The following GSK3B variants were observed in gnomAD, a reference collection of about 807,000 sequenced individuals.
GSK3B encodes the protein glycogen synthase kinase-3 beta.
In GSK3B, 15 loss-of-function variants were observed where a neutral mutation model predicts 56.4. That is an observed-to-expected ratio of 0.27 (90% CI 0.18 to 0.41). GSK3B has a LOEUF of 0.41. GSK3B is among the 10% of genes least tolerant of loss of function. GSK3B has a pLI of 1.00. For synonymous variants in GSK3B, 181 were observed against 188.9 expected, an observed-to-expected ratio of 0.96 and a Z score of 0.34; for missense variants, 300 against 513.4, an observed-to-expected ratio of 0.58 and a Z score of 4.02.
intron 7 of GSK3B, among the ~76,000 whole-genome samples, chr3:119,896,008 G>C (rs1033120552): frequency 1.3e-4 from 20 of 151,656 alleles, no homozygotes; most frequent in African/African-American, 4.8e-4. Context: ...TGTGCCTGTA[G>C]TCCCAGATAC....
At chr3:119,884,435 T>C (rs138515535) in intron 7 of GSK3B, among the ~76,000 whole-genome samples, 1 of 152,256 alleles carries the variant, frequency 6.6e-6, no homozygotes, top group African/African-American at 2.4e-5. Context: ...ATTAAGCACA[T>C]AGCATGTAAG....
chr3:119,897,389 G>A (rs958413789), intron 7 of GSK3B, among the ~76,000 whole-genome samples: 4 of 151,896 alleles, frequency 2.6e-5, no homozygotes, highest in East Asian at 1.9e-4. Context: ...TAATGCCTCC[G>A]TTTTTCTTAT....
chr3:119,880,432 T>A (rs571532070), intron 7 of GSK3B, among the ~76,000 whole-genome samples: 1 of 152,340 alleles, frequency 6.6e-6, no homozygotes, highest in Non-Finnish European at 1.5e-5. Flanking sequence ...AACTGTTTCC[T>A]TTGCTGTGCA....
At chr3:120,075,205 A>G (rs2058358445) in intron 1 of GSK3B, among the ~76,000 whole-genome samples, 1 of 152,048 alleles carries the variant, frequency 6.6e-6, no homozygotes, top group Admixed American at 6.5e-5. Context: ...ACTCTTTAAC[A>G]GTTTAAATAT....
At chr3:119,867,640 C>T (rs561298485) in intron 8 of GSK3B, among the ~76,000 whole-genome samples, 74 of 152,128 alleles carry the variant, frequency 4.9e-4, no homozygotes, top group Middle Eastern at 6.8e-3. Context: ...CTAGGCACAA[C>T]GGAGCCAAAT....
intron 10 of GSK3B, among the ~76,000 whole-genome samples, chr3:119,836,007 TC>T (rs990508208): frequency 6.6e-6 from 1 of 152,328 alleles, no homozygotes; most frequent in African/African-American, 2.4e-5. Context: ...TGTGTTTAAT[TC>T]TGCCCAACTA....
At chr3:119,996,803 G>C (rs1463735681) in intron 2 of GSK3B, among the ~76,000 whole-genome samples, 2 of 151,944 alleles carry the variant, frequency 1.3e-5, no homozygotes, top group African/African-American at 4.8e-5. Flanking sequence ...AGAACAGCTG[G>C]TTCCTTGAAA....
intron 1 of GSK3B, among the ~76,000 whole-genome samples, chr3:120,083,306 G>A (rs140386520): frequency 2.0e-4 from 30 of 152,156 alleles, no homozygotes; most frequent in African/African-American, 7.2e-4. Flanking sequence ...GAAGAGCAGC[G>A]AAAGAAGTCA....
chr3:120,017,943 G>A (rs748844321), intron 1 of GSK3B, among the ~76,000 whole-genome samples: 6 of 152,124 alleles, frequency 3.9e-5, no homozygotes, highest in Admixed American at 2.0e-4. Flanking sequence ...AGATGACCTC[G>A]GACCCTGCAA....
At chr3:119,917,368 T>C (rs2056791801) in intron 4 of GSK3B, among the ~76,000 whole-genome samples, 1 of 152,180 alleles carries the variant, frequency 6.6e-6, no homozygotes, top group Non-Finnish European at 1.5e-5. Context: ...ATGTAAACTG[T>C]ACAGATAAGA....
intron 1 of GSK3B, among the ~76,000 whole-genome samples, chr3:120,013,010 C>T (rs2057792734): frequency 6.6e-6 from 1 of 152,038 alleles, no homozygotes; most frequent in African/African-American, 2.4e-5. Flanking sequence ...TTTACAAAAG[C>T]CTTGGCGGTT....
At chr3:119,979,309 T>G (rs1275143736) in intron 2 of GSK3B, among the ~76,000 whole-genome samples, 1 of 152,140 alleles carries the variant, frequency 6.6e-6, no homozygotes, top group African/African-American at 2.4e-5. Flanking sequence ...AAAATCTTTC[T>G]TCTTATTAAA....
At chr3:120,092,518 A>G (rs1312226006) in intron 1 of GSK3B, among the ~76,000 whole-genome samples, 1 of 152,254 alleles carries the variant, frequency 6.6e-6, no homozygotes, top group African/African-American at 2.4e-5. Flanking sequence ...AGCCAGTGAC[A>G]ACATTTAACT....
chr3:119,979,201 C>A (rs1476572578), intron 2 of GSK3B, among the ~76,000 whole-genome samples: 8 of 152,270 alleles, frequency 5.3e-5, no homozygotes, highest in African/African-American at 1.9e-4. Flanking sequence ...AACTTTATGA[C>A]CAGGAATGGC....
intron 2 of GSK3B, among the ~76,000 whole-genome samples, chr3:119,994,113 C>T (rs1338572434): frequency 1.3e-5 from 2 of 152,102 alleles, no homozygotes; most frequent in African/African-American, 2.4e-5. Flanking sequence ...CCGCCCGCCT[C>T]GGCCGCCCTA....
At chr3:120,000,750 CA>C (rs2057667636) in intron 2 of GSK3B, among the ~76,000 whole-genome samples, 1 of 143,642 alleles carries the variant, frequency 7.0e-6, no homozygotes, top group South Asian at 2.2e-4. Flanking sequence ...AATGAAAATA[CA>C]TGACGAGAAC....
At chr3:119,857,938 T>C (rs1453127384) in intron 9 of GSK3B, among the ~76,000 whole-genome samples, 1 of 152,216 alleles carries the variant, frequency 6.6e-6, no homozygotes, top group African/African-American at 2.4e-5. Context: ...ATCAGAGCTC[T>C]TGGATGACTA....
At chr3:119,837,503 C>T (rs1364459089) in intron 10 of GSK3B, among the ~76,000 whole-genome samples, 1 of 152,002 alleles carries the variant, frequency 6.6e-6, no homozygotes, top group Non-Finnish European at 1.5e-5. Flanking sequence ...TAAAAATGTG[C>T]TCATTCTTGC....
intron 3 of GSK3B, among the ~76,000 whole-genome samples, chr3:119,927,477 G>C (rs759027357): frequency 6.6e-6 from 1 of 152,126 alleles, no homozygotes; most frequent in Non-Finnish European, 1.5e-5. Flanking sequence ...GAGACTAATA[G>C]AGAATCCAAG....
Sources: gnomAD v4.1 joint callset for allele counts (sites outside exome capture counted in the v4.1 genomes callset) on GRCh38, gnomAD v4.1.1 for gene constraint, MANE v1.5 for transcripts, NCBI Gene and HGNC (gene_info 2026-07-23, HGNC 2026-07-21) for gene names.